The following DDHD1 variants were observed in gnomAD, a reference collection of about 807,000 sequenced individuals.
DDHD1 encodes the protein DDHD domain containing 1, also known as phospholipase DDHD1.
DDHD1 carries 49 observed loss-of-function variants against 96.4 expected under a neutral mutation model. That is an observed-to-expected ratio of 0.51 (90% CI 0.40 to 0.64). The LOEUF (loss-of-function observed/expected upper bound fraction) is 0.64, where lower values mean the gene tolerates loss of function less well. Among genes scored for constraint, DDHD1 ranks in the 30% least tolerant of loss-of-function variants. The pLI is 0.00. For synonymous variants in DDHD1, 442 were observed against 446.5 expected (o/e 0.99, Z 0.13); for missense variants, 1,106 against 1,161.2 (o/e 0.95, Z 0.69).
chr14:53,152,690 C>T lies in DDHD1; in HGVS notation c.409G>A (p.Gly137Arg). The T allele has an allele frequency of 6.2e-7, 1 of 1,611,614 alleles. No homozygotes were observed. The change falls in exon 1 of 13, where the codon GGA (glycine) becomes AGA (arginine). Residue 137 changes from glycine (G) to arginine (R), a missense_variant. Coordinates refer to ENST00000673822, the MANE Select transcript of DDHD1 (RefSeq NM_001160148.2). Reference sequence around the variant, plus strand: ...CGTTTCCTTTCCCCGGGGGACCCTCCTGTCGCGCCGCCGCCCCCCGAGTTC... The same window carrying T: ...CGTTTCCTTTCCCCGGGGGACCCTCTTGTCGCGCCGCCGCCCCCCGAGTTC... ...PTNSGGGGAT[G>R]GSPGERKRTR...
intron 9 of DDHD1, among the ~76,000 whole-genome samples, chr14:53,056,281 T>C (rs1279485119): frequency 6.6e-6 from 1 of 152,156 alleles, no homozygotes; most frequent in Non-Finnish European, 1.5e-5. Flanking sequence ...AGGAGCTCTA[T>C]TTAAGCTCTG....
At chr14:53,078,507 C>T (rs746932908) in intron 4 of DDHD1, among the ~76,000 whole-genome samples, 2 of 152,070 alleles carry the variant, frequency 1.3e-5, no homozygotes, top group African/African-American at 2.4e-5. Flanking sequence ...TGTAAGAGTA[C>T]TTTATATATC....
intron 1 of DDHD1, among the ~76,000 whole-genome samples, chr14:53,147,295 A>G (rs1309920359): frequency 6.6e-6 from 1 of 152,220 alleles, no homozygotes; most frequent in Non-Finnish European, 1.5e-5. Flanking sequence ...GACCCAAAAT[A>G]CAATTCAGAA....
chr14:53,047,730 C>CGATT lies in DDHD1; in HGVS notation c.2522-785_2522-782dup, dbSNP rs1391334079. Among the ~76,000 whole-genome samples the CGATT allele has an allele frequency of 2.0e-5, 3 of 152,254 alleles. No individual in the cohort carries two copies. In the East Asian group the frequency reaches 5.8e-4, roughly 29 times the overall value. On this transcript the variant is annotated intron_variant, in intron 12 of 12. Transcript: ENST00000673822. ...TTCTAAAGCCCACAGAAAGTCCTTGCGATTACCTGTTAGAGAAAAATCACC... is the reference window on the plus strand; with the variant it reads ...TTCTAAAGCCCACAGAAAGTCCTTGCGATTGATTACCTGTTAGAGAAAAATCACC...
intron 1 of DDHD1, among the ~76,000 whole-genome samples, chr14:53,129,648 C>G (rs1161223076): frequency 6.6e-6 from 1 of 152,136 alleles, no homozygotes; most frequent in African/African-American, 2.4e-5. Context: ...ATGTCTCTAC[C>G]CTCTCTTTTC....
intron 4 of DDHD1, among the ~76,000 whole-genome samples, chr14:53,090,618 G>GC: frequency 6.6e-6 from 1 of 152,194 alleles, no homozygotes; most frequent in East Asian, 1.9e-4. Flanking sequence ...GCAAACTATC[G>GC]CAAGGACAGA....
intron 6 of DDHD1, among the ~76,000 whole-genome samples, chr14:53,064,692 G>A (rs1175131290): frequency 6.6e-6 from 1 of 152,124 alleles, no homozygotes; most frequent in Non-Finnish European, 1.5e-5. Flanking sequence ...TACACTTGAA[G>A]AGAAATGGCC....
At chr14:53,119,976 T>G (rs1888857093) in intron 1 of DDHD1, among the ~76,000 whole-genome samples, 1 of 152,086 alleles carries the variant, frequency 6.6e-6, no homozygotes, top group Non-Finnish European at 1.5e-5. Context: ...GAGAAAGAAA[T>G]AAAGGGTATT....
At chr14:53,142,871 T>A (rs540977350) in intron 1 of DDHD1, among the ~76,000 whole-genome samples, 1 of 152,046 alleles carries the variant, frequency 6.6e-6, no homozygotes, top group Non-Finnish European at 1.5e-5. Flanking sequence ...CATTTGAGAG[T>A]TGATTATCAA....
intron 9 of DDHD1, 151 bp from the exon 10 acceptor site, chr14:53,056,063 T>C (rs1367079204): frequency 2.9e-6 from 2 of 683,090 alleles, no homozygotes; most frequent in South Asian, 2.0e-5. Context: ...TGTATTTCTA[T>C]TTGTTCACTG....
intron 1 of DDHD1, among the ~76,000 whole-genome samples, chr14:53,124,007 G>A (rs1228697854): frequency 4.0e-5 from 6 of 151,758 alleles, no homozygotes; most frequent in Non-Finnish European, 7.4e-5. Context: ...CAAGGCGGGC[G>A]GATCACCTGA....
rs542443770 is a variant in DDHD1 at position 53,076,237 on chromosome 14, A to T, written c.1290-2390T>A. Reference sequence around the variant, plus strand: ...CATTAAGAACATTTGTGATTCAGTGATTCATGGGGGGTGAAAATATCAACA... The same window carrying T: ...CATTAAGAACATTTGTGATTCAGTGTTTCATGGGGGGTGAAAATATCAACA... On this transcript the variant is annotated intron_variant, in intron 4 of 12. Transcript: ENST00000673822. 1.2e-4 allele frequency among the ~76,000 whole-genome samples: 19 copies of T among 152,320 alleles called. 1 individual carries two copies. The South Asian group carries it at 3.9e-3, about 32-fold the overall frequency.
Position 53,045,003 on chromosome 14 carries a change from G to A in DDHD1, c.*1765C>T, listed in dbSNP as rs1006662633. ...AACCACTCAGAAGTGAGGGTTGTGT[G>A]CAACAGGGATGGCTACTGATCCCCT... On this transcript the variant is annotated 3_prime_UTR_variant, in exon 13 of 13. Coordinates refer to ENST00000673822, the MANE Select transcript of DDHD1 (RefSeq NM_001160148.2). The A allele has an allele frequency of 1.3e-5, 2 of 152,196 alleles. No individual in the cohort carries two copies. The highest frequency in any genetic ancestry group is 4.8e-5 in the African/African-American group (2 of 41,450). 9.4% of individuals were successfully genotyped at this position (152,196 alleles called of 1,614,324 possible).
intron 4 of DDHD1, among the ~76,000 whole-genome samples, chr14:53,081,934 G>A: frequency 6.6e-6 from 1 of 152,138 alleles, no homozygotes; most frequent in East Asian, 1.9e-4. Flanking sequence ...GGGGAAAAGA[G>A]GAAGAGGGAG....
chr14:53,072,592 C>G lies in DDHD1; in HGVS notation c.1503+5G>C, dbSNP rs370071581. ...ACCCACCAGCAAGATAATCATGACACTTACTTCATCTCTATAAAGTGGACT... is the reference window on the plus strand; with the variant it reads ...ACCCACCAGCAAGATAATCATGACAGTTACTTCATCTCTATAAAGTGGACT... On this transcript the variant is annotated splice_donor_5th_base_variant and intron_variant, in intron 6 of 12. Transcript: ENST00000673822. 2.7e-6 allele frequency: 4 copies of G among 1,479,978 alleles called. No individual in the cohort carries two copies. Among genetic ancestry groups the G allele is most frequent in the Non-Finnish European group, 3.7e-6 (4 of 1,092,860 alleles). 91.7% of individuals were successfully genotyped at this position (1,479,978 alleles called of 1,614,324 possible).
At chr14:53,113,272 T>G (rs1404669483) in intron 1 of DDHD1, among the ~76,000 whole-genome samples, 1 of 151,802 alleles carries the variant, frequency 6.6e-6, no homozygotes, top group Non-Finnish European at 1.5e-5. Context: ...CTGGCCATCT[T>G]TCACTATTTT....
At chr14:53,059,435 T>C (rs970608333) in intron 8 of DDHD1, among the ~76,000 whole-genome samples, 1 of 151,602 alleles carries the variant, frequency 6.6e-6, no homozygotes, top group Non-Finnish European at 1.5e-5. Flanking sequence ...TTAGTAGAGA[T>C]GGGCTTTTAC....
intron 1 of DDHD1, among the ~76,000 whole-genome samples, chr14:53,151,322 ATAT>A (rs1233754848): frequency 2.0e-5 from 3 of 152,238 alleles, no homozygotes; most frequent in African/African-American, 7.2e-5. Context: ...TGTATATTAC[ATAT>A]TATAATACTG....
rs1324099416 is a variant in DDHD1, at chr14:53,058,698, G to GT, written c.1843-73dup. ...TCTTTCAACAAAATTTGGGCATAAC[G>GT]TAATATATGGCAAAATACAAATAAT... On this transcript the variant is annotated intron_variant, in intron 8 of 12. Transcript: ENST00000673822. 3.0e-6 allele frequency: 4 copies of GT among 1,315,704 alleles called. No individual in the cohort carries two copies. In the Admixed American group the frequency reaches 7.0e-5, roughly 23 times the overall value. The allele number at this position is 1,315,704 out of a possible 1,614,324, so 81.5% of individuals were successfully genotyped here.
Sources: allele counts gnomAD v4.1 joint callset (sites outside exome capture counted in the v4.1 genomes callset), GRCh38; gene constraint gnomAD v4.1.1; transcripts MANE v1.5; gene names NCBI Gene and HGNC (gene_info 2026-07-23, HGNC 2026-07-21).